Variants in FAM184A observed in about 807,000 individuals in gnomAD.
FAM184A encodes family with sequence similarity 184 member A, also known as protein FAM184A.
A neutral mutation model predicts 143.8 loss-of-function variants in FAM184A; 99 were observed. The observed-to-expected ratio is 0.69, with a 90% CI of 0.58 to 0.81. FAM184A has a LOEUF of 0.81. FAM184A is among the 40% of genes least tolerant of loss of function. The pLI, the probability that FAM184A is intolerant of heterozygous loss-of-function variation, is 0.00. For missense variants in FAM184A, 1,217 were observed against 1,310.5 expected, an observed-to-expected ratio of 0.93 and a Z score of 1.10; for synonymous variants, 427 against 446.4, an observed-to-expected ratio of 0.96 and a Z score of 0.55.
At chr6:119,035,421 C>T (rs773506581) in intron 1 of FAM184A, among the ~76,000 whole-genome samples, 2 of 152,182 alleles carry the variant, frequency 1.3e-5, no homozygotes, top group African/African-American at 2.4e-5. Context: ...CAAATTCCAG[C>T]CAGGTTTACA....
At chr6:119,116,841 AAAC>A (rs1789075603) in intron 1 of FAM184A, among the ~76,000 whole-genome samples, 1 of 152,242 alleles carries the variant, frequency 6.6e-6, no homozygotes. Context: ...TGTATTCTGA[AAAC>A]AATCCACAGT....
chr6:119,035,432 G>A (rs1786072372), intron 1 of FAM184A, among the ~76,000 whole-genome samples: 1 of 152,120 alleles, frequency 6.6e-6, no homozygotes, highest in South Asian at 2.1e-4. Flanking sequence ...CAGGTTTACA[G>A]GACGCACAGC....
In FAM184A at chr6:118,974,477, TA is replaced by T. The variant is rs768252206; in HGVS notation, c.2865del (p.Phe955LeufsTer11). Reference sequence around the variant, plus strand: ...TCCTTGAGTAGCTCGTTAGTCTTATTAAAATCTGCCCGCATGATATTTTTCT... The same window carrying T: ...TCCTTGAGTAGCTCGTTAGTCTTATTAAATCTGCCCGCATGATATTTTTCT... ...LREKNIMRADFNKTNELLKEI... is the reference protein window; with the variant it reads ...LREKNIMRADXNKTNELLKEI... On this transcript the variant is annotated frameshift_variant, in exon 14 of 18. Transcript: ENST00000338891. LOFTEE classifies it high-confidence loss of function. 1.9e-6 allele frequency: 3 copies of T among 1,612,900 alleles called. No individual in the cohort carries two copies. Among genetic ancestry groups the T allele is most frequent in the Non-Finnish European group, 1.7e-6 (2 of 1,179,290 alleles).
At chr6:119,118,449 G>A (rs1193880001) in intron 1 of FAM184A, among the ~76,000 whole-genome samples, 1 of 152,172 alleles carries the variant, frequency 6.6e-6, no homozygotes. Context: ...TTTCTCATGA[G>A]TTGTTGCGGG....
At chr6:119,106,441 A>G (rs1582621318) in intron 1 of FAM184A, among the ~76,000 whole-genome samples, 3 of 152,200 alleles carry the variant, frequency 2.0e-5, no homozygotes, top group African/African-American at 7.2e-5. Context: ...TAAAAAGAGA[A>G]TGTATTAAAT....
At chr6:119,132,520 A>G (rs550657965) in intron 1 of FAM184A, among the ~76,000 whole-genome samples, 21 of 152,336 alleles carry the variant, frequency 1.4e-4, no homozygotes, top group African/African-American at 3.8e-4. Context: ...TGCACTCAAA[A>G]TCCACATTTT....
intron 1 of FAM184A, among the ~76,000 whole-genome samples, chr6:119,075,934 T>G (rs191270600): frequency 1.3e-5 from 2 of 152,244 alleles, no homozygotes; most frequent in East Asian, 3.9e-4. Flanking sequence ...TCCAACAGAG[T>G]CCTATTATCA....
chr6:119,147,132 C>T (rs1167847018), intron 1 of FAM184A, among the ~76,000 whole-genome samples: 2 of 149,774 alleles, frequency 1.3e-5, no homozygotes, highest in Admixed American at 1.3e-4. Context: ...ATCAATACCA[C>T]GAACACAAGC....
chr6:119,103,073 C>T (rs1395483143), intron 1 of FAM184A, among the ~76,000 whole-genome samples: 3 of 152,134 alleles, frequency 2.0e-5, no homozygotes, highest in Admixed American at 1.3e-4. Flanking sequence ...TATTCTTATT[C>T]TCCTGCCAGG....
chr6:119,104,308 A>G lies in FAM184A; in HGVS notation c.-202+44770T>C, dbSNP rs539580785. Among the ~76,000 whole-genome samples the G allele has an allele frequency of 1.1e-4, 16 of 152,276 alleles. No individual in the cohort carries two copies. In the South Asian group the frequency reaches 3.3e-3, roughly 32 times the overall value. ...AGGCTTGAGCCACCATGCCTGGCCA[A>G]CCATAGTTCTAAAAAGATGTTTGAA... On this transcript the variant is annotated intron_variant, in intron 1 of 16. Coordinates refer to the FAM184A transcript ENST00000352896.
chr6:119,031,821 G>GT (rs1234267160), intron 1 of FAM184A, among the ~76,000 whole-genome samples: 1 of 152,126 alleles, frequency 6.6e-6, no homozygotes, highest in African/African-American at 2.4e-5. Flanking sequence ...TTCATACAGT[G>GT]TAATACCATG....
chr6:119,126,117 G>A (rs961658566), intron 1 of FAM184A, among the ~76,000 whole-genome samples: 2 of 152,190 alleles, frequency 1.3e-5, no homozygotes, highest in African/African-American at 2.4e-5. Context: ...AGTTATTCAG[G>A]TTGTTGGCAG....
At chr6:119,106,348 G>A (rs111574187) in intron 1 of FAM184A, among the ~76,000 whole-genome samples, 4 of 152,124 alleles carry the variant, frequency 2.6e-5, no homozygotes, top group Admixed American at 2.6e-4. Flanking sequence ...AGATGAGATT[G>A]TGCCACTGCA....
chr6:119,033,865 G>A (rs567939232), intron 1 of FAM184A, among the ~76,000 whole-genome samples: 44 of 148,422 alleles, frequency 3.0e-4, no homozygotes, highest in South Asian at 6.4e-4. Flanking sequence ...GGTGGCACGC[G>A]TCTGTAATCC....
chr6:119,096,705 G>A (rs1788520749), intron 1 of FAM184A, among the ~76,000 whole-genome samples: 3 of 151,334 alleles, frequency 2.0e-5, no homozygotes, highest in African/African-American at 4.8e-5. Flanking sequence ...ACTGTTATTA[G>A]TATTGGTATT....
chr6:118,969,556 T>C (rs1478188850), intron 14 of FAM184A, among the ~76,000 whole-genome samples: 1 of 152,200 alleles, frequency 6.6e-6, no homozygotes, highest in Admixed American at 6.5e-5. Flanking sequence ...AAGCCAAGAC[T>C]AGTCAATATT....
chr6:118,968,780 A>T (rs1783578162), intron 14 of FAM184A, among the ~76,000 whole-genome samples: 1 of 152,218 alleles, frequency 6.6e-6, no homozygotes. Context: ...TGAGAAGTTA[A>T]GGTAAAGTGA....
At position 119,024,422 on chromosome 6, in the gene FAM184A, C is replaced by A. The variant is rs1296288752; in HGVS notation, c.551G>T (p.Arg184Leu). Residue 184 changes from arginine (R) to leucine (L), a missense_variant, in exon 2 of 18, where the codon CGA becomes CTA. Coordinates refer to ENST00000338891, the MANE Select transcript of FAM184A (RefSeq NM_024581.6). ...QLQVQFEKDK[R>L]LALEDLQAAH... is the part of the protein sequence containing the mutation. ...AGCTTGCAAGTCTTCCAATGCCAAT[C>A]GTTTGTCTTTTTCAAACTGTACTTG... 8.7e-6 allele frequency: 14 copies of A among 1,614,060 alleles called. No homozygotes were observed. Among genetic ancestry groups the A allele is most frequent in the Non-Finnish European group, 1.1e-5 (13 of 1,180,054 alleles).
intron 1 of FAM184A, among the ~76,000 whole-genome samples, chr6:119,049,494 C>T (rs1786664958): frequency 6.6e-6 from 1 of 151,986 alleles, no homozygotes; most frequent in East Asian, 1.9e-4. Flanking sequence ...GCACATAGAC[C>T]AATGGAACAG....
Sources: allele counts gnomAD v4.1 joint callset (sites outside exome capture counted in the v4.1 genomes callset), GRCh38; gene constraint gnomAD v4.1.1; transcripts MANE v1.5; gene names NCBI Gene and HGNC (gene_info 2026-07-23, HGNC 2026-07-21).